The following PIBF1 variants were observed in gnomAD, a reference collection of about 807,000 sequenced individuals.
The protein encoded by PIBF1 is progesterone immunomodulatory binding factor 1.
A neutral mutation model predicts 112.5 loss-of-function variants in PIBF1; 90 were observed. That is an observed-to-expected ratio of 0.80 (90% confidence interval 0.67 to 0.95). The LOEUF (loss-of-function observed/expected upper bound fraction) is 0.95, where lower values mean the gene tolerates loss of function less well. Ranked by LOEUF, PIBF1 falls within the 40% of genes least tolerant of loss-of-function variation. The pLI, the probability that PIBF1 is intolerant of heterozygous loss-of-function variation, is 0.00. For synonymous variants in PIBF1, 301 were observed against 288.6 expected (o/e 1.04, Z -0.44); for missense variants, 915 against 852.3 (o/e 1.07, Z -0.92).
chr13:72,861,293 A>G (rs977247466), intron 10 of PIBF1, among the ~76,000 whole-genome samples: 2 of 151,986 alleles, frequency 1.3e-5, no homozygotes, highest in Non-Finnish European at 2.9e-5. Flanking sequence ...ATTATTACAT[A>G]TAAGAATATA....
chr13:72,931,326 A>G, intron 14 of PIBF1, 59 bp downstream of exon 14: 1 of 1,066,208 alleles, frequency 9.4e-7, no homozygotes, highest in African/African-American at 1.6e-5. Flanking sequence ...ATTGTTTGTA[A>G]CTCTTTTATT....
intron 15 of PIBF1, among the ~76,000 whole-genome samples, chr13:72,967,193 C>G (rs9592873): frequency 7.2e-5 from 11 of 151,784 alleles, no homozygotes; most frequent in Non-Finnish European, 1.6e-4. Context: ...CTCGGCCTCC[C>G]GAAGTGCTAG....
At chr13:72,999,409 GAATC>G (rs371582806) in intron 17 of PIBF1, among the ~76,000 whole-genome samples, 7 of 152,054 alleles carry the variant, frequency 4.6e-5, no homozygotes, top group Non-Finnish European at 1.0e-4. Context: ...CAAATAATAA[GAATC>G]AAGATTAAAA....
chr13:73,006,435 T>A (rs573615937), intron 17 of PIBF1, among the ~76,000 whole-genome samples: 1 of 152,330 alleles, frequency 6.6e-6, no homozygotes, highest in East Asian at 1.9e-4. Context: ...CGAAGCTGAC[T>A]GATCTCAGAC....
chr13:72,956,592 T>G (rs2042451572), intron 14 of PIBF1, among the ~76,000 whole-genome samples: 1 of 152,198 alleles, frequency 6.6e-6, no homozygotes, highest in Non-Finnish European at 1.5e-5. Context: ...ATTCTAGAAA[T>G]TCTGTCCTGT....
chr13:72,808,794 A>G (rs952988788), intron 5 of PIBF1, among the ~76,000 whole-genome samples: 1 of 152,128 alleles, frequency 6.6e-6, no homozygotes, highest in African/African-American at 2.4e-5. Context: ...GATCCATCCA[A>G]CCTGGCACAG....
chr13:72,994,652 A>G (rs2043589375), intron 16 of PIBF1, among the ~76,000 whole-genome samples: 1 of 152,202 alleles, frequency 6.6e-6, no homozygotes, highest in Non-Finnish European at 1.5e-5. Flanking sequence ...GGGAGATGAG[A>G]TGCCAAACTC....
chr13:72,977,351 G>A (rs573161774), intron 16 of PIBF1, among the ~76,000 whole-genome samples: 2 of 151,870 alleles, frequency 1.3e-5, no homozygotes, highest in Non-Finnish European at 2.9e-5. Context: ...ATTAACAGGC[G>A]CATGCCACCA....
chr13:72,902,471 G>A (rs370062208), intron 11 of PIBF1, among the ~76,000 whole-genome samples: 54 of 151,084 alleles, frequency 3.6e-4, no homozygotes, highest in African/African-American at 1.3e-3. Flanking sequence ...CTCTGCATCA[G>A]TAGGCAATAT....
chr13:73,004,489 CA>C (rs56073630), intron 17 of PIBF1, among the ~76,000 whole-genome samples: 85 of 136,884 alleles, frequency 6.2e-4, no homozygotes, highest in East Asian at 6.0e-3. Context: ...GATTCTGTCT[CA>C]AAAAAAAAAA....
intron 11 of PIBF1, among the ~76,000 whole-genome samples, chr13:72,903,537 G>A (rs965825265): frequency 2.6e-5 from 4 of 152,130 alleles, no homozygotes; most frequent in Admixed American, 2.6e-4. Context: ...CACTTGCCAC[G>A]TGTGATCATT....
chr13:72,850,957 C>T (rs1566357115), intron 9 of PIBF1, among the ~76,000 whole-genome samples: 1 of 152,192 alleles, frequency 6.6e-6, no homozygotes, highest in East Asian at 1.9e-4. Flanking sequence ...ATCTATACTC[C>T]AGCATTTCTG....
At chr13:72,912,333 A>T (rs1486003905) in intron 12 of PIBF1, among the ~76,000 whole-genome samples, 2 of 150,094 alleles carry the variant, frequency 1.3e-5, no homozygotes, top group Admixed American at 6.6e-5. Context: ...CTCAGTGATT[A>T]AAAAAAAAAT....
chr13:72,943,581 C>T (rs1490512120), intron 14 of PIBF1, among the ~76,000 whole-genome samples: 1 of 152,172 alleles, frequency 6.6e-6, no homozygotes, highest in African/African-American at 2.4e-5. Context: ...AAGACAATGT[C>T]CAGATTCTTT....
At chr13:72,999,861 G>T (rs2043800302) in intron 17 of PIBF1, among the ~76,000 whole-genome samples, 1 of 152,160 alleles carries the variant, frequency 6.6e-6, no homozygotes, top group Non-Finnish European at 1.5e-5. Flanking sequence ...CTGAGGTCAG[G>T]AGTTCAAGAC....
chr13:72,952,221 T>C (rs2042319772), intron 14 of PIBF1, among the ~76,000 whole-genome samples: 1 of 151,772 alleles, frequency 6.6e-6, no homozygotes, highest in Non-Finnish European at 1.5e-5. Flanking sequence ...GCCCAGCTAA[T>C]TTTTGTATTT....
intron 10 of PIBF1, among the ~76,000 whole-genome samples, chr13:72,877,526 G>A (rs760480900): frequency 4.4e-4 from 67 of 152,100 alleles, no homozygotes; most frequent in Non-Finnish European, 5.7e-4. Flanking sequence ...TTCTGCTTTG[G>A]AAGGTTTAAA....
chr13:72,960,741 T>A (rs1448612177), intron 14 of PIBF1, among the ~76,000 whole-genome samples: 1 of 152,232 alleles, frequency 6.6e-6, no homozygotes, highest in African/African-American at 2.4e-5. Flanking sequence ...CCAAGGCAAT[T>A]GTTTGATTTA....
chr13:72,782,904 GTGTT>G (rs34601377), intron 1 of PIBF1, among the ~76,000 whole-genome samples: 27,375 of 146,532 alleles, frequency 0.19, 2,381 homozygotes, highest in East Asian at 0.23. Flanking sequence ...GTGTGTGTGT[GTGTT>G]TGTGTTTGTG....
Sources: allele counts gnomAD v4.1 joint callset (sites outside exome capture counted in the v4.1 genomes callset), GRCh38; gene constraint gnomAD v4.1.1; transcripts MANE v1.5; gene names NCBI Gene and HGNC (gene_info 2026-07-23, HGNC 2026-07-21).